The following IRF2 variants were observed in gnomAD, a reference collection of about 807,000 sequenced individuals.
IRF2 encodes interferon regulatory factor 2.
Under a neutral mutation model 40.6 loss-of-function variants are expected in IRF2, and 15 were observed. The ratio of observed to expected loss-of-function variants is 0.37; its 90% confidence interval spans 0.25 to 0.57. The LOEUF is 0.57. IRF2 is among the 20% of genes least tolerant of loss of function. The pLI, the probability that IRF2 is intolerant of heterozygous loss-of-function variation, is 0.77. For synonymous variants in IRF2, 151 were observed against 165.5 expected (o/e 0.91, Z 0.67); for missense variants, 317 against 455.7 (o/e 0.70, Z 2.77).
At chr4:184,402,589 C>G (rs1323600210) in intron 6 of IRF2, among the ~76,000 whole-genome samples, 1 of 152,150 alleles carries the variant, frequency 6.6e-6, no homozygotes, top group Non-Finnish European at 1.5e-5. Flanking sequence ...CGCTCAGGGA[C>G]TCTCCCCTGA....
intron 8 of IRF2, among the ~76,000 whole-genome samples, chr4:184,389,775 G>A (rs116796901): frequency 0.028 from 4,216 of 152,198 alleles, 86 homozygotes; most frequent in Middle Eastern, 0.071. Context: ...ACAGCGACTC[G>A]GTCCCTCAAT....
chr4:184,460,146 C>T (rs1739082288), intron 1 of IRF2, among the ~76,000 whole-genome samples: 1 of 152,208 alleles, frequency 6.6e-6, no homozygotes, highest in African/African-American at 2.4e-5. Flanking sequence ...ATTACTCAGT[C>T]TTACAGAGGA....
intron 1 of IRF2, 97 bp from the exon 2 acceptor site, chr4:184,429,167 C>A: frequency 1.5e-5 from 10 of 668,082 alleles, no homozygotes; most frequent in Non-Finnish European, 1.8e-5. Flanking sequence ...TCCTTCTCTC[C>A]TTTCCTGGGG....
intron 6 of IRF2, among the ~76,000 whole-genome samples, chr4:184,407,738 C>T (rs146049597): frequency 3.7e-3 from 556 of 152,298 alleles, no homozygotes; most frequent in Middle Eastern, 6.8e-3. Context: ...AGAGTGGGCC[C>T]TTTGGCAACA....
At chr4:184,472,465 A>G (rs1579124872) in intron 1 of IRF2, 1 of 152,204 alleles carries the variant, frequency 6.6e-6, no homozygotes, top group East Asian at 1.9e-4. Context: ...CAGGCTTGAC[A>G]GCAGTCTCGG....
intron 1 of IRF2, among the ~76,000 whole-genome samples, chr4:184,463,730 C>T (rs1022960796): frequency 6.6e-6 from 1 of 152,040 alleles, no homozygotes; most frequent in Non-Finnish European, 1.5e-5. Context: ...ATCCTACTTC[C>T]GTAGCAATCC....
In IRF2 at chr4:184,388,748, A is replaced by G. The variant is rs1736143282; in HGVS notation, c.*10T>C. The G allele has an allele frequency of 6.3e-7, 1 of 1,590,304 alleles. No individual in the cohort carries two copies. Among genetic ancestry groups the G allele is most frequent in the South Asian group, 1.2e-5 (1 of 86,796 alleles). Reference sequence around the variant, plus strand: ...AGAAGCCCCAACAACCACCGCGGAGAGTCAGAGGCTTAACAGCTCTTGACG... The same window carrying G: ...AGAAGCCCCAACAACCACCGCGGAGGGTCAGAGGCTTAACAGCTCTTGACG... On this transcript the variant is annotated 3_prime_UTR_variant, in exon 9 of 9. Coordinates refer to ENST00000393593, the MANE Select transcript of IRF2 (RefSeq NM_002199.4). The surrounding 1 kb of genome is among the most constrained non-coding windows in gnomAD (Gnocchi z 4.6).
chr4:184,462,622 C>T (rs1309001960), intron 1 of IRF2, among the ~76,000 whole-genome samples: 2 of 152,136 alleles, frequency 1.3e-5, no homozygotes, highest in Non-Finnish European at 2.9e-5. Flanking sequence ...GCTTATTTAT[C>T]CCTACAAGAA....
intron 2 of IRF2, among the ~76,000 whole-genome samples, chr4:184,427,796 C>G (rs758175208): frequency 2.6e-5 from 4 of 152,156 alleles, no homozygotes; most frequent in Non-Finnish European, 5.9e-5. Context: ...TTGTTGGAAG[C>G]AGGCTACAAT....
intron 8 of IRF2, among the ~76,000 whole-genome samples, chr4:184,389,435 A>C (rs1338191757): frequency 6.6e-6 from 1 of 152,154 alleles, no homozygotes; most frequent in African/African-American, 2.4e-5. Context: ...CAACCCACAA[A>C]AAAAATTTTA....
At chr4:184,439,579 C>T (rs923128307) in intron 1 of IRF2, among the ~76,000 whole-genome samples, 2 of 151,980 alleles carry the variant, frequency 1.3e-5, no homozygotes, top group African/African-American at 2.4e-5. Context: ...GGAATAGAAA[C>T]GTATATGAAA....
At chr4:184,438,205 T>C (rs1356713008) in intron 1 of IRF2, among the ~76,000 whole-genome samples, 1 of 152,150 alleles carries the variant, frequency 6.6e-6, no homozygotes, top group Non-Finnish European at 1.5e-5. Flanking sequence ...ATGAAGCTAC[T>C]TACAAAGCTC....
intron 1 of IRF2, among the ~76,000 whole-genome samples, chr4:184,455,531 G>A (rs559396082): frequency 6.6e-6 from 1 of 151,674 alleles, no homozygotes; most frequent in South Asian, 2.1e-4. Flanking sequence ...GTGAGGAGGA[G>A]TCCCATCTCA....
chr4:184,406,772 G>A (rs1736873431), intron 6 of IRF2, among the ~76,000 whole-genome samples: 1 of 152,134 alleles, frequency 6.6e-6, no homozygotes, highest in Admixed American at 6.5e-5. Context: ...CTGCTCTCCT[G>A]TGCCTTCAGG....
intron 1 of IRF2, among the ~76,000 whole-genome samples, chr4:184,445,268 C>T (rs1391199719): frequency 6.6e-6 from 1 of 152,236 alleles, no homozygotes; most frequent in Admixed American, 6.5e-5. Context: ...CCAGTGTCAT[C>T]ACACTAAGTG....
chr4:184,461,521 G>T (rs1168952788), intron 1 of IRF2, among the ~76,000 whole-genome samples: 1 of 152,128 alleles, frequency 6.6e-6, no homozygotes, highest in Non-Finnish European at 1.5e-5. Context: ...AAGGAATGCA[G>T]ACCATCTACC....
chr4:184,396,403 C>T (rs967653717), intron 7 of IRF2, among the ~76,000 whole-genome samples: 3 of 151,702 alleles, frequency 2.0e-5, no homozygotes, highest in Non-Finnish European at 2.9e-5. Flanking sequence ...CTACCCACGC[C>T]AGCCGCAGAT....
At chr4:184,440,242 C>T (rs2149908774) in intron 1 of IRF2, among the ~76,000 whole-genome samples, 1 of 152,346 alleles carries the variant, frequency 6.6e-6, no homozygotes, top group East Asian at 1.9e-4. Context: ...CGGCCTCCTT[C>T]CATGCTCCCG....
At chr4:184,458,211 AT>A (rs1002987223) in intron 1 of IRF2, among the ~76,000 whole-genome samples, 13 of 152,206 alleles carry the variant, frequency 8.5e-5, no homozygotes, top group African/African-American at 3.1e-4. Context: ...GCTCCAGTAA[AT>A]TAAAAAGAAT....
Sources: gnomAD v4.1 joint callset for allele counts (sites outside exome capture counted in the v4.1 genomes callset) on GRCh38, gnomAD v4.1.1 for gene constraint, Gnocchi (gnomAD v3.1) non-coding constraint, MANE v1.5 for transcripts, NCBI Gene and HGNC (gene_info 2026-07-23, HGNC 2026-07-21) for gene names.